KIRREL3: variants seen among roughly 807,000 people sequenced by gnomAD.
The protein encoded by KIRREL3 is kin of IRRE-like protein 3.
Under a neutral mutation model 89.7 loss-of-function variants are expected in KIRREL3, and 36 were observed. The ratio of observed to expected loss-of-function variants is 0.40; its 90% CI spans 0.31 to 0.53. KIRREL3 has a LOEUF of 0.53. KIRREL3 is among the 20% of genes least tolerant of loss of function. KIRREL3 has a pLI of 0.49. For missense variants in KIRREL3, 864 were observed against 1,056.6 expected, an observed-to-expected ratio of 0.82 and a Z score of 2.53; for synonymous variants, 445 against 441.4, an observed-to-expected ratio of 1.01 and a Z score of -0.10.
intron 2 of KIRREL3, among the ~76,000 whole-genome samples, chr11:126,543,481 T>C (rs1442470527): frequency 6.6e-6 from 1 of 151,984 alleles, no homozygotes; most frequent in African/African-American, 2.4e-5. Context: ...CAGGGTGTGG[T>C]AGAGGTAGGG....
At chr11:126,926,117 G>T (rs1947703358) in intron 1 of KIRREL3, among the ~76,000 whole-genome samples, 1 of 152,206 alleles carries the variant, frequency 6.6e-6, no homozygotes, top group Non-Finnish European at 1.5e-5. Context: ...ATCGCTCCAG[G>T]AGTGGAGGAG....
chr11:126,686,773 C>T lies in KIRREL3; in HGVS notation c.56-123861G>A, dbSNP rs1459913261. ...TTCTGTATTTTTAGTAGAGATGGGG[C>T]TTCGCATGTTGGCCAGGCTGGTCTC... On this transcript the variant is annotated intron_variant, in intron 1 of 16. Coordinates refer to ENST00000525144, the MANE Select transcript of KIRREL3 (RefSeq NM_032531.4). The surrounding 1 kb of genome is among the most constrained non-coding windows in gnomAD (Gnocchi z 4.7). Among the ~76,000 whole-genome samples, 2 of 152,044 alleles carry T rather than the reference C, an allele frequency of 1.3e-5. No individual in the cohort carries two copies. The highest frequency in any genetic ancestry group is 2.9e-5 in the Non-Finnish European group (2 of 67,998).
chr11:126,443,492 C>T lies in KIRREL3; in HGVS notation c.1252+1487G>A, dbSNP rs910064329. Among the ~76,000 whole-genome samples, 4 of 152,176 alleles carry T rather than the reference C, an allele frequency of 2.6e-5. No individual in the cohort carries two copies. Among genetic ancestry groups the T allele is most frequent in the East Asian group, 1.9e-4 (1 of 5,170 alleles). On this transcript the variant is annotated intron_variant, in intron 10 of 16. Transcript: ENST00000525144. The surrounding 1 kb of genome is among the most constrained non-coding windows in gnomAD (Gnocchi z 7.3). ...ACACTCAGGAAAGGCAGGAGGGCTCCGACTCAGGGCTCTGCCAGGACAGGT... is the reference window on the plus strand; with the variant it reads ...ACACTCAGGAAAGGCAGGAGGGCTCTGACTCAGGGCTCTGCCAGGACAGGT...
intron 1 of KIRREL3, among the ~76,000 whole-genome samples, chr11:126,809,242 T>C (rs959263178): frequency 2.6e-5 from 4 of 152,114 alleles, no homozygotes; most frequent in African/African-American, 9.7e-5. Flanking sequence ...CAAATGAAAT[T>C]GGGCAGGAGT....
chr11:127,003,373 C>G (rs1950350366), upstream of KIRREL3: 1 of 153,514 alleles, frequency 6.5e-6, no homozygotes, highest in African/African-American at 2.4e-5. Flanking sequence ...CCTGGCGCTG[C>G]AAGGCTGCCT....
rs1302667495 is a variant in KIRREL3 at position 126,912,537 on chromosome 11, C to A, written c.55+87918G>T. 2.6e-5 allele frequency among the ~76,000 whole-genome samples: 4 copies of A among 152,224 alleles called. No individual in the cohort carries two copies. Among genetic ancestry groups the A allele is most frequent in the Non-Finnish European group, 5.9e-5 (4 of 68,042 alleles). On this transcript the variant is annotated intron_variant, in intron 1 of 16. Transcript: ENST00000525144. This position sits in a 1 kb window ranked among gnomAD's most constrained non-coding sequence, Gnocchi z 4.7. Reference sequence around the variant, plus strand: ...TCACACTCACCTACAAAACAAGCAACCCACCATGAGCTGTGAGATGGAAAT... The same window carrying A: ...TCACACTCACCTACAAAACAAGCAAACCACCATGAGCTGTGAGATGGAAAT...
intron 1 of KIRREL3, among the ~76,000 whole-genome samples, chr11:126,581,298 G>A (rs1277772544): frequency 1.3e-5 from 2 of 152,102 alleles, no homozygotes; most frequent in Non-Finnish European, 2.9e-5. Flanking sequence ...TACCTCCTGG[G>A]TTCAAGTGAT....
intron 1 of KIRREL3, among the ~76,000 whole-genome samples, chr11:126,901,130 C>G (rs1379833755): frequency 6.9e-6 from 1 of 145,872 alleles, no homozygotes; most frequent in Non-Finnish European, 1.5e-5. Flanking sequence ...AGGAGAATCG[C>G]TTGAACCTGG....
At chr11:126,800,294 CTCA>C (rs1158130582) in intron 1 of KIRREL3, among the ~76,000 whole-genome samples, 2 of 152,184 alleles carry the variant, frequency 1.3e-5, no homozygotes, top group African/African-American at 4.8e-5. Flanking sequence ...GCCCTGTGTC[CTCA>C]TCTGAGCACT....
At position 126,513,613 on chromosome 11, in the gene KIRREL3, G is replaced by A. The variant is rs920524779; in HGVS notation, c.433+7702C>T. Among the ~76,000 whole-genome samples, 13 of 152,184 alleles carry A rather than the reference G, an allele frequency of 8.5e-5. No individual in the cohort carries two copies. The highest frequency in any genetic ancestry group is 2.9e-4 in the African/African-American group (12 of 41,456). ...AGGGACGACCCCAGGCTGGGGGAGA[G>A]TTTTGACATCCAGCCAGGCTGTGAT... is the stretch of plus-strand genomic sequence containing the variant. On this transcript the variant is annotated intron_variant, in intron 4 of 16. Coordinates refer to ENST00000525144, the MANE Select transcript of KIRREL3 (RefSeq NM_032531.4). This position sits in a 1 kb window ranked among gnomAD's most constrained non-coding sequence, Gnocchi z 5.9.
At chr11:126,567,993 T>C (rs541116997) in intron 1 of KIRREL3, among the ~76,000 whole-genome samples, 1 of 152,082 alleles carries the variant, frequency 6.6e-6, no homozygotes, top group African/African-American at 2.4e-5. Context: ...ACAGTTCAGG[T>C]GTGCTTGCTG....
In KIRREL3 at chr11:126,943,746, AG is replaced by A. The variant is rs371210860; in HGVS notation, c.55+56708del. 2.6e-4 allele frequency among the ~76,000 whole-genome samples: 40 copies of A among 152,318 alleles called. No homozygotes were observed. The highest frequency in any genetic ancestry group is 7.7e-4 in the African/African-American group (32 of 41,568). On this transcript the variant is annotated intron_variant, in intron 1 of 16. Coordinates refer to ENST00000525144, the MANE Select transcript of KIRREL3 (RefSeq NM_032531.4). The surrounding 1 kb of genome is among the most constrained non-coding windows in gnomAD (Gnocchi z 4.2). Reference sequence around the variant, plus strand: ...TTAAAGGGCCACCTCCTATAGTGAAAGGAAGGCTGCCACATTTCCCTATGCC... The same window carrying A: ...TTAAAGGGCCACCTCCTATAGTGAAAGAAGGCTGCCACATTTCCCTATGCC...
In KIRREL3 at chr11:126,812,828, C is replaced by G. The variant is rs1951434390; in HGVS notation, c.55+187627G>C. On this transcript the variant is annotated intron_variant, in intron 1 of 16. Transcript: ENST00000525144. This position sits in a 1 kb window ranked among gnomAD's most constrained non-coding sequence, Gnocchi z 5.2. The stretch of plus-strand genomic sequence containing the variant: ...GGGTCTGGCTCTGTTTCTCTATTTC[C>G]CAGTTACTTGCCCAAGAACATGGCT... 6.6e-6 allele frequency among the ~76,000 whole-genome samples: 1 copy of G among 152,144 alleles called. No individual in the cohort carries two copies. The highest frequency in any genetic ancestry group is 2.4e-5 in the African/African-American group (1 of 41,412).
intron 1 of KIRREL3, among the ~76,000 whole-genome samples, chr11:126,625,401 TG>T (rs1369257474): frequency 1.3e-5 from 2 of 152,204 alleles, no homozygotes; most frequent in Non-Finnish European, 2.9e-5. Flanking sequence ...GGTTGGTCGT[TG>T]TAAGGAATAA....
rs375182678 is a variant in KIRREL3, at chr11:126,805,897, G to A, written c.55+194558C>T. ...AACCCAGTGGGCCTGGGCAGGTGCC[G>A]TGCCATCCCCTCCACCTTCTCCGTG... On this transcript the variant is annotated intron_variant, in intron 1 of 16. Coordinates refer to ENST00000525144, the MANE Select transcript of KIRREL3 (RefSeq NM_032531.4). This position sits in a 1 kb window ranked among gnomAD's most constrained non-coding sequence, Gnocchi z 4.3. 2.6e-5 allele frequency among the ~76,000 whole-genome samples: 4 copies of A among 152,232 alleles called. No individual in the cohort carries two copies. Among genetic ancestry groups the A allele is most frequent in the East Asian group, 3.9e-4 (2 of 5,170 alleles).
Position 126,978,325 on chromosome 11 carries a change from C to T in KIRREL3, c.55+22130G>A, listed in dbSNP as rs760438903. Among the ~76,000 whole-genome samples the T allele has an allele frequency of 1.2e-4, 19 of 152,286 alleles. No individual in the cohort carries two copies. The highest frequency in any genetic ancestry group is 3.4e-3 in the Middle Eastern group (1 of 294). On this transcript the variant is annotated intron_variant, in intron 1 of 16. Transcript: ENST00000525144. This position sits in a 1 kb window ranked among gnomAD's most constrained non-coding sequence, Gnocchi z 4.2. ...CTGTGGTGGGCGTGTTCTTCACCTT[C>T]CCTTCAAACTTTAGCCAATTAGGTT...
At chr11:126,707,599 T>G (rs1221167246) in intron 1 of KIRREL3, among the ~76,000 whole-genome samples, 1 of 152,230 alleles carries the variant, frequency 6.6e-6, no homozygotes, top group Non-Finnish European at 1.5e-5. Flanking sequence ...CCAGTCTGCA[T>G]TTCCTCTGAG....
chr11:126,870,146 G>C lies in KIRREL3; in HGVS notation c.55+130309C>G, dbSNP rs189185492. Among the ~76,000 whole-genome samples, 1 of 152,192 alleles carries C rather than the reference G, an allele frequency of 6.6e-6. No homozygotes were observed. Among genetic ancestry groups the C allele is most frequent in the Admixed American group, 6.5e-5 (1 of 15,280 alleles). On this transcript the variant is annotated intron_variant, in intron 1 of 16. Transcript: ENST00000525144. The surrounding 1 kb of genome is among the most constrained non-coding windows in gnomAD (Gnocchi z 4.4). ...TTAATGACCAGGAGTGAGTGTGGGC[G>C]AGTGTGGGGCACAGGGTCGTATGTC...
At chr11:126,662,906 CTTTTTTTTTTTT>C (rs756193928) in intron 1 of KIRREL3, among the ~76,000 whole-genome samples, 1 of 91,878 alleles carries the variant, frequency 1.1e-5, no homozygotes, top group African/African-American at 4.2e-5. Flanking sequence ...AAAGTCCTTT[CTTTTTTTTTTTT>C]TTTTTTTTTG....
Sources: gnomAD v4.1 joint callset for allele counts (sites outside exome capture counted in the v4.1 genomes callset) on GRCh38, gnomAD v4.1.1 for gene constraint, Gnocchi (gnomAD v3.1) non-coding constraint, MANE v1.5 for transcripts, NCBI Gene and HGNC (gene_info 2026-07-23, HGNC 2026-07-21) for gene names.